HS3ST5: variants seen among roughly 807,000 people sequenced by gnomAD.
The protein encoded by HS3ST5 is heparan sulfate-glucosamine 3-sulfotransferase 5, also known as heparan sulfate glucosamine 3-O-sulfotransferase 5.
A neutral mutation model predicts 25.4 loss-of-function variants in HS3ST5; 10 were observed. That is an observed-to-expected ratio of 0.39 (90% CI 0.24 to 0.67). The LOEUF is 0.67. Among genes scored for constraint, HS3ST5 ranks in the 30% least tolerant of loss-of-function variants. The pLI, the probability that HS3ST5 is intolerant of heterozygous loss-of-function variation, is 0.44. For missense variants in HS3ST5, 324 were observed against 420.7 expected, an observed-to-expected ratio of 0.77 and a Z score of 2.01; for synonymous variants, 170 against 162.4, an observed-to-expected ratio of 1.05 and a Z score of -0.36.
Position 114,273,586 on chromosome 6 carries a change from C to T in HS3ST5, c.-338-44808G>A, listed in dbSNP as rs556046850. Among the ~76,000 whole-genome samples the T allele has an allele frequency of 8.5e-5, 13 of 152,120 alleles. No individual in the cohort carries two copies. The East Asian group carries it at 2.5e-3, about 30-fold the overall frequency. On this transcript the variant is annotated intron_variant, in intron 1 of 4. Transcript: ENST00000312719. Reference sequence around the variant, plus strand: ...GACATGAGGAGAAATAAACAAGATGCAGAGAAAGAGCAGCCCGTTAGGAAA... The same window carrying T: ...GACATGAGGAGAAATAAACAAGATGTAGAGAAAGAGCAGCCCGTTAGGAAA...
chr6:114,080,110 G>A (rs1774370042), intron 3 of HS3ST5, among the ~76,000 whole-genome samples: 1 of 152,140 alleles, frequency 6.6e-6, no homozygotes, highest in Non-Finnish European at 1.5e-5. Flanking sequence ...AGACTTGAAA[G>A]TTGAAATTAC....
chr6:114,195,737 A>G (rs1026546492), intron 2 of HS3ST5, among the ~76,000 whole-genome samples: 3 of 152,164 alleles, frequency 2.0e-5, no homozygotes, highest in Non-Finnish European at 4.4e-5. Flanking sequence ...CTTCAGTTGG[A>G]GAGAGGAGAA....
At chr6:114,217,868 A>AC (rs1352625241) in intron 2 of HS3ST5, among the ~76,000 whole-genome samples, 1 of 152,164 alleles carries the variant, frequency 6.6e-6, no homozygotes, top group Admixed American at 6.5e-5. Context: ...TCTACCACTA[A>AC]CCTGGAAAAA....
chr6:114,144,095 G>A (rs1017072530), intron 3 of HS3ST5, among the ~76,000 whole-genome samples: 1 of 152,174 alleles, frequency 6.6e-6, no homozygotes, highest in Non-Finnish European at 1.5e-5. Flanking sequence ...TGCAGTCCCA[G>A]AGTTCCCAGT....
intron 1 of HS3ST5, among the ~76,000 whole-genome samples, chr6:114,296,605 A>T (rs989614998): frequency 1.3e-5 from 2 of 152,192 alleles, no homozygotes; most frequent in African/African-American, 4.8e-5. Context: ...TATCTTCAAC[A>T]TAATGCTAAA....
intron 1 of HS3ST5, among the ~76,000 whole-genome samples, chr6:114,304,739 T>C (rs1242379459): frequency 6.6e-6 from 1 of 152,114 alleles, no homozygotes; most frequent in Non-Finnish European, 1.5e-5. Flanking sequence ...TAACTGTCCT[T>C]TCCAAGCAAA....
chr6:114,180,662 G>T (rs769977278), intron 2 of HS3ST5, among the ~76,000 whole-genome samples: 54 of 152,120 alleles, frequency 3.5e-4, no homozygotes, highest in Non-Finnish European at 7.1e-4. Flanking sequence ...TTTTCACTGT[G>T]TGCTTCCATG....
At chr6:114,294,089 C>T (rs551207540) in intron 1 of HS3ST5, among the ~76,000 whole-genome samples, 53 of 152,224 alleles carry the variant, frequency 3.5e-4, no homozygotes, top group Non-Finnish European at 6.5e-4. Flanking sequence ...ATCTCAATAA[C>T]GTGTTAAGGA....
chr6:114,225,544 CTT>C (rs1019776894), intron 2 of HS3ST5, among the ~76,000 whole-genome samples: 37 of 151,986 alleles, frequency 2.4e-4, no homozygotes, highest in East Asian at 9.7e-4. Flanking sequence ...CTGAGTCAGA[CTT>C]TGAACCCTAG....
chr6:114,190,736 T>G (rs1284824640), intron 2 of HS3ST5, among the ~76,000 whole-genome samples: 2 of 152,216 alleles, frequency 1.3e-5, no homozygotes, highest in African/African-American at 4.8e-5. Flanking sequence ...CTCCCAATAT[T>G]AAGATATTAC....
intron 3 of HS3ST5, among the ~76,000 whole-genome samples, chr6:114,104,662 CCTGA>C (rs1174468442): frequency 1.3e-5 from 2 of 152,086 alleles, no homozygotes; most frequent in Admixed American, 1.3e-4. Context: ...CCTAGGCAGC[CCTGA>C]CTTTCTTTTC....
At chr6:114,133,177 A>G (rs1777429792) in intron 3 of HS3ST5, among the ~76,000 whole-genome samples, 1 of 152,054 alleles carries the variant, frequency 6.6e-6, no homozygotes, top group Admixed American at 6.6e-5. Flanking sequence ...TCTTCTGCCC[A>G]TCAAGGGATG....
At chr6:114,134,651 G>T (rs1012867744) in intron 3 of HS3ST5, among the ~76,000 whole-genome samples, 1 of 152,192 alleles carries the variant, frequency 6.6e-6, no homozygotes, top group Non-Finnish European at 1.5e-5. Context: ...TAGGGATGGA[G>T]AATCAGTTTT....
intron 3 of HS3ST5, among the ~76,000 whole-genome samples, chr6:114,106,886 T>C (rs1227306966): frequency 6.6e-6 from 1 of 152,164 alleles, no homozygotes; most frequent in Non-Finnish European, 1.5e-5. Flanking sequence ...AAGATTGTTA[T>C]GTATTTTATC....
At chr6:114,310,391 T>A (rs899207705) in intron 1 of HS3ST5, among the ~76,000 whole-genome samples, 5 of 152,190 alleles carry the variant, frequency 3.3e-5, no homozygotes, top group African/African-American at 1.2e-4. Flanking sequence ...TGCTTATCTG[T>A]AACTTATTAA....
chr6:114,291,454 T>G (rs1002161516), intron 1 of HS3ST5, among the ~76,000 whole-genome samples: 8 of 152,176 alleles, frequency 5.3e-5, no homozygotes, highest in Non-Finnish European at 1.2e-4. Flanking sequence ...TGACACATAT[T>G]TATGAGGCTC....
chr6:114,162,270 C>A (rs144836676), intron 3 of HS3ST5, among the ~76,000 whole-genome samples: 18 of 152,252 alleles, frequency 1.2e-4, no homozygotes, highest in African/African-American at 4.3e-4. Flanking sequence ...TCGTGAACTC[C>A]ATACATTTTA....
At chr6:114,256,198 C>A (rs1305326085) in intron 1 of HS3ST5, among the ~76,000 whole-genome samples, 1 of 152,054 alleles carries the variant, frequency 6.6e-6, no homozygotes, top group African/African-American at 2.4e-5. Flanking sequence ...ACCATCTTGG[C>A]TAACACAGTG....
intron 2 of HS3ST5, among the ~76,000 whole-genome samples, chr6:114,206,323 T>C (rs1401848920): frequency 2.0e-5 from 3 of 152,192 alleles, no homozygotes; most frequent in Non-Finnish European, 2.9e-5. Context: ...ACAAAACAGA[T>C]AGATACTCAC....
Sources: gnomAD v4.1 joint callset for allele counts (sites outside exome capture counted in the v4.1 genomes callset) on GRCh38, gnomAD v4.1.1 for gene constraint, MANE v1.5 for transcripts, NCBI Gene and HGNC (gene_info 2026-07-23, HGNC 2026-07-21) for gene names.